The following CDH12 variants were observed in gnomAD, a reference collection of about 807,000 sequenced individuals.
The protein encoded by CDH12 is cadherin 12.
A neutral mutation model predicts 74.1 loss-of-function variants in CDH12; 41 were observed. That is an observed-to-expected ratio of 0.55 (90% CI 0.43 to 0.72). CDH12 has a LOEUF of 0.72. Among genes scored for constraint, CDH12 ranks in the 30% least tolerant of loss-of-function variants. The probability of loss-of-function intolerance (pLI) is 0.00; values close to 1 mark genes in which losing one functional copy is unlikely to be tolerated. For synonymous variants in CDH12, 399 were observed against 355.0 expected, an observed-to-expected ratio of 1.12 and a Z score of -1.39; for missense variants, 945 against 977.2, an observed-to-expected ratio of 0.97 and a Z score of 0.44.
chr5:22,152,470 G>A (rs959122784), intron 4 of CDH12: 2 of 152,054 alleles, frequency 1.3e-5, no homozygotes, highest in African/African-American at 4.8e-5. Context: ...GGAATTCTTA[G>A]GATAATGATT....
intron 4 of CDH12, among the ~76,000 whole-genome samples, chr5:22,155,539 C>T (rs948275040): frequency 6.6e-6 from 1 of 151,918 alleles, no homozygotes; most frequent in Non-Finnish European, 1.5e-5. Flanking sequence ...AACAATTAAG[C>T]CTAGTCTATA....
intron 1 of CDH12, among the ~76,000 whole-genome samples, chr5:22,709,621 C>T (rs1743194297): frequency 6.6e-6 from 1 of 152,068 alleles, no homozygotes; most frequent in Non-Finnish European, 1.5e-5. Flanking sequence ...CTTAAATCAA[C>T]CAAGTTCAAA....
intron 5 of CDH12, among the ~76,000 whole-genome samples, chr5:22,031,249 G>A (rs1036232096): frequency 4.6e-5 from 7 of 152,028 alleles, no homozygotes; most frequent in African/African-American, 1.2e-4. Flanking sequence ...CAGGAGAATC[G>A]CTTGAACCCG....
chr5:22,522,110 T>C (rs1015892092), intron 1 of CDH12, among the ~76,000 whole-genome samples: 3 of 152,192 alleles, frequency 2.0e-5, no homozygotes, highest in African/African-American at 7.2e-5. Context: ...TGAATTATTG[T>C]TTTTCAGTTA....
chr5:22,730,921 C>T (rs993615916), intron 1 of CDH12, among the ~76,000 whole-genome samples: 2 of 151,736 alleles, frequency 1.3e-5, no homozygotes, highest in South Asian at 2.1e-4. Context: ...TCCTTTATGT[C>T]GCTAATCAGA....
At chr5:22,606,669 T>C (rs1322880571) in intron 1 of CDH12, among the ~76,000 whole-genome samples, 1 of 152,164 alleles carries the variant, frequency 6.6e-6, no homozygotes, top group East Asian at 1.9e-4. Flanking sequence ...CCTTTATAAA[T>C]TACCCAGTCT....
chr5:22,515,184 A>G (rs1188560575), intron 1 of CDH12, among the ~76,000 whole-genome samples: 2 of 152,146 alleles, frequency 1.3e-5, no homozygotes, highest in African/African-American at 4.8e-5. Flanking sequence ...ATTGATAACT[A>G]TTAAATAAGA....
chr5:22,399,711 G>A (rs886073043), intron 3 of CDH12, among the ~76,000 whole-genome samples: 4 of 152,108 alleles, frequency 2.6e-5, no homozygotes, highest in African/African-American at 9.7e-5. Flanking sequence ...GACTAATGAT[G>A]GCCTTGTGTT....
At chr5:22,026,303 G>T (rs1738347743) in intron 5 of CDH12, among the ~76,000 whole-genome samples, 1 of 152,148 alleles carries the variant, frequency 6.6e-6, no homozygotes, top group Non-Finnish European at 1.5e-5. Flanking sequence ...TGCTAATAAA[G>T]ACGGACTGCA....
chr5:22,398,327 A>G (rs1336909838), intron 3 of CDH12, among the ~76,000 whole-genome samples: 1 of 152,150 alleles, frequency 6.6e-6, no homozygotes, highest in Non-Finnish European at 1.5e-5. Flanking sequence ...GTTCTCAGTG[A>G]AACAATGGAA....
intron 4 of CDH12, among the ~76,000 whole-genome samples, chr5:22,102,616 C>T (rs190627895): frequency 7.9e-5 from 12 of 152,086 alleles, no homozygotes; most frequent in African/African-American, 2.2e-4. Flanking sequence ...TTGCAGTCAT[C>T]GCGTCACTGC....
chr5:22,507,619 G>A (rs1354036302), intron 1 of CDH12, among the ~76,000 whole-genome samples: 1 of 152,152 alleles, frequency 6.6e-6, no homozygotes, highest in Non-Finnish European at 1.5e-5. Context: ...ACATTAAAGT[G>A]AGACATAAAC....
In CDH12 at chr5:22,401,900, C is replaced by T. The variant is rs147879447; in HGVS notation, c.-333+3357G>A. Among the ~76,000 whole-genome samples, 1,073 of 152,156 alleles carry T rather than the reference C, an allele frequency of 7.1e-3. 5 individuals carry two copies. Among genetic ancestry groups the T allele is most frequent in the Middle Eastern group, 0.017 (5 of 294 alleles). On this transcript the variant is annotated intron_variant, in intron 3 of 14. Transcript: ENST00000382254. Reference sequence around the variant, plus strand: ...AGATTGGAGTTATGTTTCTAACAAGCCAAGGAACATGAGGGTTAGCTAAGC... The same window carrying T: ...AGATTGGAGTTATGTTTCTAACAAGTCAAGGAACATGAGGGTTAGCTAAGC...
intron 4 of CDH12, among the ~76,000 whole-genome samples, chr5:22,168,676 G>T (rs1280000621): frequency 9.9e-5 from 15 of 151,622 alleles, no homozygotes; most frequent in Non-Finnish European, 2.1e-4. Context: ...GACTCTCCTT[G>T]CAGCTTTCAC....
At chr5:21,922,607 TATC>T (rs1754402729) in intron 6 of CDH12, among the ~76,000 whole-genome samples, 3 of 152,144 alleles carry the variant, frequency 2.0e-5, no homozygotes, top group Non-Finnish European at 4.4e-5. Flanking sequence ...AATTGAATAA[TATC>T]ATCTACAAGG....
chr5:22,588,712 C>T (rs1382327360), intron 1 of CDH12, among the ~76,000 whole-genome samples: 2 of 152,108 alleles, frequency 1.3e-5, no homozygotes, highest in South Asian at 2.1e-4. Context: ...TATCAGCTCA[C>T]TGTCAAATCT....
chr5:22,191,560 ATT>A (rs796709425), intron 4 of CDH12, among the ~76,000 whole-genome samples: 6 of 11,452 alleles, frequency 5.2e-4, no homozygotes, highest in African/African-American at 1.0e-3. Flanking sequence ...TGGTCTTTTT[ATT>A]TTTATTTTTT....
chr5:22,373,288 G>A (rs1282823967), intron 3 of CDH12, among the ~76,000 whole-genome samples: 1 of 152,140 alleles, frequency 6.6e-6, no homozygotes, highest in Non-Finnish European at 1.5e-5. Context: ...CACCTGTGTG[G>A]ACTGACCTGC....
At chr5:22,305,099 A>G (rs1010699156) in intron 3 of CDH12, among the ~76,000 whole-genome samples, 2 of 2,268 alleles carry the variant, frequency 8.8e-4, no homozygotes, top group East Asian at 0.14. Context: ...TCTAAAATAT[A>G]TCTATAACAT....
Sources: allele counts gnomAD v4.1 joint callset (sites outside exome capture counted in the v4.1 genomes callset), GRCh38; gene constraint gnomAD v4.1.1; transcripts MANE v1.5; gene names NCBI Gene and HGNC (gene_info 2026-07-23, HGNC 2026-07-21).